Variants in DEPDC5 observed in about 807,000 individuals in gnomAD.
DEPDC5 encodes the protein GATOR1 complex protein DEPDC5.
In DEPDC5, 73 loss-of-function variants were observed where a neutral mutation model predicts 217.3. The ratio of observed to expected loss-of-function variants is 0.34; its 90% CI spans 0.28 to 0.41. The LOEUF (loss-of-function observed/expected upper bound fraction) is 0.41. Among genes scored for constraint, DEPDC5 ranks in the 10% least tolerant of loss-of-function variants. The pLI is 1.00. For missense variants in DEPDC5, 1,675 were observed against 2,070.1 expected (o/e 0.81, Z 3.70); for synonymous variants, 733 against 756.7 (o/e 0.97, Z 0.51).
At chr22:31,889,979 T>C (rs781369244) in intron 38 of DEPDC5, among the ~76,000 whole-genome samples, 1 of 152,130 alleles carries the variant, frequency 6.6e-6, no homozygotes, top group African/African-American at 2.4e-5. Flanking sequence ...CCAGTGTCCA[T>C]GGGCGGCACA....
intron 38 of DEPDC5, among the ~76,000 whole-genome samples, chr22:31,892,944 C>T (rs28823009): frequency 2.0e-5 from 3 of 147,262 alleles, no homozygotes; most frequent in African/African-American, 5.1e-5. Flanking sequence ...GGCGCGATCT[C>T]GGCTCACTGC....
intron 29 of DEPDC5, chr22:31,844,617 A>G (rs2091606126): frequency 5.7e-6 from 1 of 176,744 alleles, no homozygotes; most frequent in South Asian, 1.4e-4. Flanking sequence ...GATAGCCACA[A>G]ATTCACTGGG....
Position 31,821,605 on chromosome 22 carries a change from G to T in DEPDC5, c.1974G>T (p.Leu658=). 6.2e-7 allele frequency: 1 copy of T among 1,614,082 alleles called. No individual in the cohort carries two copies. The highest frequency in any genetic ancestry group is 8.5e-7 in the Non-Finnish European group (1 of 1,179,910). The change falls in exon 23 of 43, where the codon CTG becomes CTT. Residue 658 remains leucine, a synonymous_variant. Coordinates refer to ENST00000651528, the MANE Select transcript of DEPDC5 (RefSeq NM_001242896.3). ...ATCCAACTCACTCCTCTGCAGAGCT[G>T]CTGGAGTTAGCATATCATGAAGCTG... ...QRDPTHSSAE[L]LELAYHEAAG... is the part of the protein sequence containing the mutation.
Position 31,808,995 on chromosome 22 carries a change from T to C in DEPDC5, c.1288-616T>C, listed in dbSNP as rs2087912172. Reference sequence around the variant, plus strand: ...GTTGCTCAGGCTAGTCTCAAACTCCTGGGCCCAAGCAATCCTCCTGCCTTG... The same window carrying C: ...GTTGCTCAGGCTAGTCTCAAACTCCCGGGCCCAAGCAATCCTCCTGCCTTG... On this transcript the variant is annotated intron_variant, in intron 18 of 42. Coordinates refer to ENST00000651528, the MANE Select transcript of DEPDC5 (RefSeq NM_001242896.3). Among the ~76,000 whole-genome samples, 3 of 151,974 alleles carry C rather than the reference T, an allele frequency of 2.0e-5. No homozygotes were observed. The South Asian group carries it at 6.2e-4, about 32-fold the overall frequency.
At chr22:31,786,639 C>T (rs546523633) in intron 10 of DEPDC5, among the ~76,000 whole-genome samples, 3 of 151,968 alleles carry the variant, frequency 2.0e-5, no homozygotes, top group Middle Eastern at 3.4e-3. Context: ...GGGTTTTGCT[C>T]TGTCCTGTCA....
intron 4 of DEPDC5, among the ~76,000 whole-genome samples, chr22:31,761,217 A>G (rs1001084629): frequency 1.1e-4 from 16 of 151,908 alleles, no homozygotes; most frequent in African/African-American, 3.6e-4. Flanking sequence ...TCCTGACTTC[A>G]TGATCCTCCT....
chr22:31,865,640 G>T (rs192000109), intron 33 of DEPDC5, among the ~76,000 whole-genome samples: 2 of 152,236 alleles, frequency 1.3e-5, no homozygotes, highest in African/African-American at 4.8e-5. Flanking sequence ...CCTGCTGGGT[G>T]TAGGGCTGTG....
intron 4 of DEPDC5, among the ~76,000 whole-genome samples, chr22:31,764,680 T>G (rs898704513): frequency 6.6e-6 from 1 of 152,194 alleles, no homozygotes; most frequent in Non-Finnish European, 1.5e-5. Context: ...CCTCCCAAAG[T>G]GCTGAGATTA....
chr22:31,810,758 G>A (rs1375782067), intron 20 of DEPDC5, 117 bp downstream of exon 20: 21 of 1,510,016 alleles, frequency 1.4e-5, no homozygotes, highest in Admixed American at 6.6e-5. Context: ...GTTTTGTTTC[G>A]TTTTGGTTTT....
intron 20 of DEPDC5, among the ~76,000 whole-genome samples, chr22:31,813,765 G>A (rs868501786): frequency 8.6e-5 from 13 of 152,024 alleles, no homozygotes; most frequent in African/African-American, 2.9e-4. Flanking sequence ...ATCATGAACA[G>A]TTATCACCAT....
intron 30 of DEPDC5, among the ~76,000 whole-genome samples, chr22:31,846,166 C>T (rs1480084286): frequency 6.6e-6 from 1 of 152,164 alleles, no homozygotes; most frequent in Middle Eastern, 3.2e-3. Context: ...CTGGCAACCA[C>T]TGGTGTGTTC....
At chr22:31,792,925 A>T in intron 12 of DEPDC5, 108 bp downstream of exon 12, 1 of 954,534 alleles carries the variant, frequency 1.0e-6, no homozygotes, top group Non-Finnish European at 1.4e-6. Flanking sequence ...TCTCTACCAA[A>T]AATACAAAAA....
At position 31,802,556 on chromosome 22, in the gene DEPDC5, G is replaced by C. The variant is rs979339365; in HGVS notation, c.947-148G>C. ...GTAGTTCTTAATATGGAAGAGAAAA[G>C]ACAGATGCGTATACATTTAACTAGA... is the stretch of plus-strand genomic sequence containing the variant. On this transcript the variant is annotated intron_variant, in intron 14 of 42. Transcript: ENST00000651528. The C allele has an allele frequency of 2.3e-5, 21 of 904,362 alleles. No individual in the cohort carries two copies. The African/African-American group carries it at 3.3e-4, about 14-fold the overall frequency. The allele number at this position is 904,362 out of a possible 1,614,324, so 56.0% of individuals were successfully genotyped here. A position where few individuals can be genotyped will look rare whatever the true frequency, so the allele number is the denominator to read the frequency against.
At chr22:31,791,796 G>A (rs186790418) in intron 10 of DEPDC5, among the ~76,000 whole-genome samples, 233 of 150,838 alleles carry the variant, frequency 1.5e-3, no homozygotes, top group South Asian at 2.9e-3. Flanking sequence ...GCATGGTGGC[G>A]TGCGTCTGTA....
intron 18 of DEPDC5, 52 bp downstream of exon 18, chr22:31,806,243 T>C (rs1175896446): frequency 6.7e-7 from 1 of 1,503,342 alleles, no homozygotes; most frequent in Non-Finnish European, 9.2e-7. Context: ...TCCAGTCTTA[T>C]CTTGAGCTCC....
chr22:31,884,992 C>T (rs1467835287), intron 38 of DEPDC5, among the ~76,000 whole-genome samples: 1 of 152,164 alleles, frequency 6.6e-6, no homozygotes, highest in Non-Finnish European at 1.5e-5. Flanking sequence ...CTTACTCTGT[C>T]TCCTCTATGA....
chr22:31,782,654 C>T (rs1019099504), intron 8 of DEPDC5, among the ~76,000 whole-genome samples: 1 of 152,192 alleles, frequency 6.6e-6, no homozygotes, highest in Non-Finnish European at 1.5e-5. Flanking sequence ...GGCAACTCAT[C>T]ACCTGGCACA....
intron 24 of DEPDC5, among the ~76,000 whole-genome samples, chr22:31,825,943 C>T (rs1398859469): frequency 2.0e-5 from 3 of 152,116 alleles, no homozygotes; most frequent in African/African-American, 7.2e-5. Context: ...GCAGTGAAGC[C>T]CTCAGGCCAG....
chr22:31,887,828 A>G (rs1390443896), intron 38 of DEPDC5, among the ~76,000 whole-genome samples: 6 of 152,140 alleles, frequency 3.9e-5, no homozygotes. Context: ...GTTAGAATGT[A>G]GTCTTTTACT....
Sources: gnomAD v4.1 joint callset for allele counts (sites outside exome capture counted in the v4.1 genomes callset) on GRCh38, gnomAD v4.1.1 for gene constraint, MANE v1.5 for transcripts, NCBI Gene and HGNC (gene_info 2026-07-23, HGNC 2026-07-21) for gene names.